The following ZNRF2 variants were observed in gnomAD, a reference collection of about 807,000 sequenced individuals.
ZNRF2 encodes the protein zinc and ring finger 2.
A neutral mutation model predicts 20.4 loss-of-function variants in ZNRF2; 16 were observed. The observed-to-expected ratio is 0.79, with a 90% CI of 0.53 to 1.19. The LOEUF is 1.19. Ranked by LOEUF, ZNRF2 falls within the 50% of genes most tolerant of loss-of-function variation. The pLI, the probability that ZNRF2 is intolerant of heterozygous loss-of-function variation, is 0.00. For synonymous variants in ZNRF2, 178 were observed against 144.9 expected (o/e 1.23, Z -1.64); for missense variants, 363 against 332.4 (o/e 1.09, Z -0.72).
chr7:30,334,918 C>T (rs981716137), intron 2 of ZNRF2, among the ~76,000 whole-genome samples: 7 of 151,906 alleles, frequency 4.6e-5, no homozygotes, highest in Admixed American at 2.6e-4. Flanking sequence ...AAGCATAGAA[C>T]CTTTTATAGT....
intron 1 of ZNRF2, chr7:30,290,020 A>G (rs1309927033): frequency 4.7e-6 from 2 of 429,376 alleles, no homozygotes; most frequent in South Asian, 1.7e-5. Context: ...GAATTGCCCT[A>G]ATATTAAACT....
At chr7:30,346,393 C>A (rs1453178322) in intron 2 of ZNRF2, among the ~76,000 whole-genome samples, 1 of 151,680 alleles carries the variant, frequency 6.6e-6, no homozygotes, top group African/African-American at 2.4e-5. Context: ...AGCATTTCAC[C>A]ATGTTGGCCA....
chr7:30,356,143 A>T (rs993508275), intron 3 of ZNRF2, among the ~76,000 whole-genome samples: 1 of 152,180 alleles, frequency 6.6e-6, no homozygotes, highest in Admixed American at 6.5e-5. Flanking sequence ...AAGGGACAGT[A>T]TGGAATTGCC....
At chr7:30,295,236 G>T (rs1248202598) in intron 1 of ZNRF2, among the ~76,000 whole-genome samples, 1 of 152,064 alleles carries the variant, frequency 6.6e-6, no homozygotes, top group East Asian at 1.9e-4. Context: ...CAGCAGAAAG[G>T]ACTCAGATTA....
intron 2 of ZNRF2, among the ~76,000 whole-genome samples, chr7:30,342,503 A>T (rs1355577316): frequency 1.3e-5 from 2 of 152,170 alleles, no homozygotes; most frequent in Non-Finnish European, 2.9e-5. Context: ...GCTTGACTGG[A>T]TACGAAATTC....
At chr7:30,356,699 ATTTTTTTTTT>A (rs139265962) in intron 3 of ZNRF2, among the ~76,000 whole-genome samples, 2 of 73,232 alleles carry the variant, frequency 2.7e-5, no homozygotes, top group Admixed American at 1.7e-4. Context: ...ATAACATTGT[ATTTTTTTTTT>A]TTTTTTTTTT....
chr7:30,362,919 C>T (rs749665368), intron 4 of ZNRF2, among the ~76,000 whole-genome samples: 1 of 152,086 alleles, frequency 6.6e-6, no homozygotes. Flanking sequence ...AGATTGAGAC[C>T]ATCCCTGGCT....
At chr7:30,315,845 G>C (rs1799365506) in intron 1 of ZNRF2, among the ~76,000 whole-genome samples, 1 of 151,626 alleles carries the variant, frequency 6.6e-6, no homozygotes. Flanking sequence ...GCTTTGGATA[G>C]CTTTTCATTC....
rs1486145938 is a variant in ZNRF2, at chr7:30,285,926, C to T, written c.469+100C>T. The stretch of plus-strand genomic sequence containing the variant: ...TACCCTTCTCCTTTTCTCCTTCTGC[C>T]GGGGCGCCGGGGGCTGCCTCCCGGA... On this transcript the variant is annotated intron_variant, in intron 1 of 4. Transcript: ENST00000323037. The T allele has an allele frequency of 3.8e-6, 5 of 1,325,630 alleles. No individual in the cohort carries two copies. The African/African-American group carries it at 4.6e-5, about 12-fold the overall frequency. The allele number at this position is 1,325,630 out of a possible 1,614,324, so 82.1% of individuals were successfully genotyped here. A position where few individuals can be genotyped will look rare whatever the true frequency, so the allele number is the denominator to read the frequency against.
intron 1 of ZNRF2, 101 bp from the exon 2 acceptor site, chr7:30,323,541 A>G (rs1799507896): frequency 1.4e-6 from 1 of 709,962 alleles, no homozygotes; most frequent in South Asian, 2.2e-5. Context: ...CAGTAAGTGT[A>G]ATATTGAAGT....
chr7:30,287,907 C>T (rs1181053013), intron 1 of ZNRF2, among the ~76,000 whole-genome samples: 1 of 152,184 alleles, frequency 6.6e-6, no homozygotes, highest in African/African-American at 2.4e-5. Flanking sequence ...TGAGGAACCT[C>T]AGTTGAGAAT....
chr7:30,305,780 A>C (rs1459982669), intron 1 of ZNRF2, among the ~76,000 whole-genome samples: 1 of 152,018 alleles, frequency 6.6e-6, no homozygotes, highest in East Asian at 1.9e-4. Context: ...CATATTTCCT[A>C]CTTGTTTGTT....
chr7:30,358,531 G>A (rs42582), intron 3 of ZNRF2, among the ~76,000 whole-genome samples: 8,610 of 152,196 alleles, frequency 0.057, 286 homozygotes, highest in African/African-American at 0.077. Context: ...AATCTCAACT[G>A]GTTAGTTCAT....
In ZNRF2 at chr7:30,358,138, C is replaced by G. The variant is rs1161876916; in HGVS notation, c.671+2305C>G. Among the ~76,000 whole-genome samples the G allele has an allele frequency of 2.0e-5, 3 of 152,174 alleles. No individual in the cohort carries two copies. In the East Asian group the frequency reaches 5.8e-4, roughly 29 times the overall value. ...GAGAAAGCTTTCAGTAAAATTCTAT[C>G]CTTGCATATTAATGATTTAAAAATA... On this transcript the variant is annotated intron_variant, in intron 3 of 4. Transcript: ENST00000323037.
At chr7:30,322,871 T>A (rs1799495086) in intron 1 of ZNRF2, among the ~76,000 whole-genome samples, 1 of 152,126 alleles carries the variant, frequency 6.6e-6, no homozygotes, top group African/African-American at 2.4e-5. Flanking sequence ...CACTTCACCT[T>A]GGTAAGTGAG....
At chr7:30,286,513 A>T (rs1798793249) in intron 1 of ZNRF2, among the ~76,000 whole-genome samples, 1 of 152,242 alleles carries the variant, frequency 6.6e-6, no homozygotes, top group Non-Finnish European at 1.5e-5. Context: ...TCTTCAAGGT[A>T]CAATAATTGG....
At position 30,285,429 on chromosome 7, in the gene ZNRF2, T is replaced by C; in HGVS notation, c.72T>C (p.Pro24=). The part of the protein sequence containing the change: ...RTRAYSGSDL[P]SSSSGGANGT... The stretch of plus-strand genomic sequence containing the variant: ...GCGCGTACTCGGGCTCGGATCTACC[T>C]TCCAGTAGCAGCGGAGGCGCCAATG... Residue 24 remains proline, a synonymous_variant, in exon 1 of 5, where the codon CCT becomes CCC. Transcript: ENST00000323037. The C allele has an allele frequency of 1.7e-6, 2 of 1,209,888 alleles. No homozygotes were observed. Among genetic ancestry groups the C allele is most frequent in the Non-Finnish European group, 2.1e-6 (2 of 962,382 alleles). 74.9% of individuals were successfully genotyped at this position (1,209,888 alleles called of 1,614,324 possible). A position where few individuals can be genotyped will look rare whatever the true frequency, so the allele number is the denominator to read the frequency against.
chr7:30,326,546 ATTTAGGTTGAT>A (rs1471444459), intron 2 of ZNRF2, among the ~76,000 whole-genome samples: 1 of 152,174 alleles, frequency 6.6e-6, no homozygotes, highest in Non-Finnish European at 1.5e-5. Flanking sequence ...TTTGATGGGC[ATTTAGGTTGAT>A]TCCATGTCTT....
chr7:30,314,801 ATATG>A, intron 1 of ZNRF2, among the ~76,000 whole-genome samples: 1 of 149,912 alleles, frequency 6.7e-6, no homozygotes, highest in Non-Finnish European at 1.5e-5. Flanking sequence ...ATATATATAT[ATATG>A]TATATATGTA....
Sources: gnomAD v4.1 joint callset for allele counts (sites outside exome capture counted in the v4.1 genomes callset) on GRCh38, gnomAD v4.1.1 for gene constraint, MANE v1.5 for transcripts, NCBI Gene and HGNC (gene_info 2026-07-23, HGNC 2026-07-21) for gene names.